CLIP4: variants seen among roughly 807,000 people sequenced by gnomAD.
CLIP4 encodes the protein CAP-Gly domain-containing linker protein 4.
Under a neutral mutation model 73.1 loss-of-function variants are expected in CLIP4, and 47 were observed. The observed-to-expected ratio is 0.64, with a 90% CI of 0.51 to 0.82. CLIP4 has a LOEUF of 0.82. CLIP4 is among the 40% of genes least tolerant of loss of function. The pLI is 0.00. For missense variants in CLIP4, 874 were observed against 852.9 expected, an observed-to-expected ratio of 1.02 and a Z score of -0.31; for synonymous variants, 306 against 295.4, an observed-to-expected ratio of 1.04 and a Z score of -0.37.
chr2:29,110,776 C>A (rs1350744187), upstream of CLIP4, among the ~76,000 whole-genome samples: 3 of 152,186 alleles, frequency 2.0e-5, no homozygotes, highest in Non-Finnish European at 2.9e-5. Flanking sequence ...GCAACCTCCA[C>A]CTCCCAGGTT....
chr2:29,176,443 T>C (rs1028404752), intron 15 of CLIP4, among the ~76,000 whole-genome samples: 2 of 152,200 alleles, frequency 1.3e-5, no homozygotes, highest in East Asian at 1.9e-4. Context: ...GGGTAGAAAC[T>C]TGAAGGCCTT....
chr2:29,147,178 T>C (rs966709282), intron 8 of CLIP4, among the ~76,000 whole-genome samples: 1 of 152,182 alleles, frequency 6.6e-6, no homozygotes, highest in African/African-American at 2.4e-5. Flanking sequence ...AATTTCTATA[T>C]TTTAATTGGT....
intron 1 of CLIP4, among the ~76,000 whole-genome samples, chr2:29,109,137 G>T (rs962924510): frequency 1.3e-5 from 2 of 152,250 alleles, no homozygotes; most frequent in East Asian, 3.9e-4. Flanking sequence ...GTCAGAGTCC[G>T]TTTCAGTGGC....
chr2:29,153,176 A>G (rs1402484678), intron 9 of CLIP4, among the ~76,000 whole-genome samples: 1 of 152,094 alleles, frequency 6.6e-6, no homozygotes, highest in Non-Finnish European at 1.5e-5. Context: ...TTTTTACCAA[A>G]AAAAAGTCCT....
At chr2:29,116,812 C>T (rs780965604) in intron 1 of CLIP4, among the ~76,000 whole-genome samples, 7 of 152,148 alleles carry the variant, frequency 4.6e-5, no homozygotes, top group Non-Finnish European at 8.8e-5. Context: ...AGATTTAGCC[C>T]ATGGTATTCT....
At chr2:29,179,799 G>C (rs945409468) in intron 15 of CLIP4, among the ~76,000 whole-genome samples, 19 of 152,222 alleles carry the variant, frequency 1.2e-4, no homozygotes, top group African/African-American at 4.3e-4. Flanking sequence ...AAAGATGTAT[G>C]CTTTTTCTTA....
rs1372592470 is a variant in CLIP4 at position 29,166,356 on chromosome 2, C to T, written c.1659-1120C>T. ...CTGTTTGTAAAATGTGCTTCCTATC[C>T]CAGAATCTTTGCACATGTTATTTTT... On this transcript the variant is annotated intron_variant, in intron 13 of 15. Coordinates refer to ENST00000320081, the MANE Select transcript of CLIP4 (RefSeq NM_024692.6). Among the ~76,000 whole-genome samples, 2 of 151,964 alleles carry T rather than the reference C, an allele frequency of 1.3e-5. 1 individual carries two copies. The highest frequency in any genetic ancestry group is 4.2e-4 in the South Asian group (2 of 4,816).
intron 1 of CLIP4, among the ~76,000 whole-genome samples, chr2:29,107,305 T>C (rs1036472205): frequency 1.3e-5 from 2 of 150,120 alleles, no homozygotes; most frequent in African/African-American, 4.9e-5. Flanking sequence ...TGTGTGTGTG[T>C]GCATGTGATA....
Position 29,129,924 on chromosome 2 carries a change from T to G in CLIP4, c.134-1334T>G, listed in dbSNP as rs1664856164. On this transcript the variant is annotated intron_variant, in intron 2 of 15. Coordinates refer to ENST00000320081, the MANE Select transcript of CLIP4 (RefSeq NM_024692.6). ...ATCCACAGTGTTTTTGGACCCCATC[T>G]TTGCATTAGATTCTCTGAAAGGTCT... 10 of 452,246 alleles carry G rather than the reference T, an allele frequency of 2.2e-5. 1 individual carries two copies. The Admixed American group carries it at 2.4e-4, about 11-fold the overall frequency. The allele number at this position is 452,246 out of a possible 1,614,324, so 28.0% of individuals were successfully genotyped here. A position where few individuals can be genotyped will look rare whatever the true frequency, so the allele number is the denominator to read the frequency against.
chr2:29,123,822 C>A (rs1404560446), intron 2 of CLIP4, among the ~76,000 whole-genome samples: 1 of 152,114 alleles, frequency 6.6e-6, no homozygotes, highest in Admixed American at 6.5e-5. Context: ...AGAAACCAGT[C>A]CACAGAAACC....
At chr2:29,159,600 A>C (rs1397639675) in intron 11 of CLIP4, among the ~76,000 whole-genome samples, 1 of 150,768 alleles carries the variant, frequency 6.6e-6, no homozygotes, top group Admixed American at 6.6e-5. Flanking sequence ...TTATCTTAGC[A>C]CTTTGGGAAG....
chr2:29,137,266 TGA>T (rs1379064075), intron 6 of CLIP4, among the ~76,000 whole-genome samples: 1 of 152,186 alleles, frequency 6.6e-6, no homozygotes, highest in African/African-American at 2.4e-5. Flanking sequence ...CACTAATAAG[TGA>T]GAACATGCAT....
Position 29,152,748 on chromosome 2 carries a change from C to G in CLIP4, c.1085C>G (p.Thr362Ser). 2.5e-6 allele frequency: 4 copies of G among 1,613,792 alleles called. No homozygotes were observed. Among genetic ancestry groups the G allele is most frequent in the Non-Finnish European group, 2.5e-6 (3 of 1,179,806 alleles). Residue 362 changes from threonine (T) to serine (S), a missense_variant, in exon 9 of 16, where the codon ACT becomes AGT. Coordinates refer to ENST00000320081, the MANE Select transcript of CLIP4 (RefSeq NM_024692.6). ...AKGRRKNITH[T>S]PSTKAAVPLI... ...GGTCGAAGGAAGAATATAACACACACTCCTTCTACAAAAGCTGCTGTACCT... is the reference window on the plus strand; with the variant it reads ...GGTCGAAGGAAGAATATAACACACAGTCCTTCTACAAAAGCTGCTGTACCT...
At chr2:29,112,145 T>G (rs1221471244), upstream of CLIP4, among the ~76,000 whole-genome samples, 1 of 152,256 alleles carries the variant, frequency 6.6e-6, no homozygotes, top group Non-Finnish European at 1.5e-5. Context: ...CCTATACCAG[T>G]ACCATAATAT....
rs1667436676 is a variant in CLIP4, at chr2:29,163,814, C to T, written c.1535-17C>T. ...ATAAAGTACAGATGCTTTTGAAATG[C>T]AATATTCATGTTCTAGGATATTGGT... On this transcript the variant is annotated splice_polypyrimidine_tract_variant and intron_variant, in intron 12 of 15. Coordinates refer to ENST00000320081, the MANE Select transcript of CLIP4 (RefSeq NM_024692.6). The T allele has an allele frequency of 6.2e-7, 1 of 1,605,524 alleles. No homozygotes were observed. Among genetic ancestry groups the T allele is most frequent in the Non-Finnish European group, 8.5e-7 (1 of 1,176,918 alleles).
At chr2:29,168,316 T>C (rs574224869) in intron 14 of CLIP4, among the ~76,000 whole-genome samples, 1 of 152,216 alleles carries the variant, frequency 6.6e-6, no homozygotes, top group South Asian at 2.1e-4. Context: ...CAGAGGGTAG[T>C]TTATCTTTTA....
chr2:29,127,710 A>G (rs192364256), intron 2 of CLIP4, among the ~76,000 whole-genome samples: 5 of 152,288 alleles, frequency 3.3e-5, no homozygotes, highest in African/African-American at 1.2e-4. Context: ...TAAAGTTACC[A>G]GAAACCTGCA....
intron 1 of CLIP4, among the ~76,000 whole-genome samples, chr2:29,107,375 T>TTTTTTTG (rs1668253011): frequency 7.7e-6 from 1 of 129,226 alleles, no homozygotes; most frequent in African/African-American, 2.9e-5. Flanking sequence ...TTTTTTTTTT[T>TTTTTTTG]TTTTTTTTTT....
chr2:29,099,189 A>T (rs954882066), intron 1 of CLIP4, among the ~76,000 whole-genome samples: 21 of 152,224 alleles, frequency 1.4e-4, no homozygotes, highest in Admixed American at 5.9e-4. Flanking sequence ...ACAGAACAGA[A>T]TTGAAAAAAT....
Sources: allele counts gnomAD v4.1 joint callset (sites outside exome capture counted in the v4.1 genomes callset), GRCh38; gene constraint gnomAD v4.1.1; transcripts MANE v1.5; gene names NCBI Gene and HGNC (gene_info 2026-07-23, HGNC 2026-07-21).